NUP93: variants seen among roughly 807,000 people sequenced by gnomAD.
The protein encoded by NUP93 is nucleoporin 93.
A neutral mutation model predicts 107.8 loss-of-function variants in NUP93; 55 were observed. That is an observed-to-expected ratio of 0.51 (90% CI 0.41 to 0.64). NUP93 has a LOEUF of 0.64. NUP93 is among the 30% of genes least tolerant of loss of function. NUP93 has a pLI of 0.00. For missense variants in NUP93, 937 were observed against 1,044.7 expected (o/e 0.90, Z 1.42); for synonymous variants, 390 against 397.5 (o/e 0.98, Z 0.22).
chr16:56,828,448 T>C (rs2144624474), intron 8 of NUP93, among the ~76,000 whole-genome samples: 1 of 152,306 alleles, frequency 6.6e-6, no homozygotes, highest in Middle Eastern at 3.4e-3. Context: ...TTCAGAGCCA[T>C]ATGGTATTTA....
intron 3 of NUP93, among the ~76,000 whole-genome samples, chr16:56,786,022 A>G (rs1249200626): frequency 6.6e-6 from 1 of 152,166 alleles, no homozygotes; most frequent in Non-Finnish European, 1.5e-5. Flanking sequence ...TGGTGAGGTG[A>G]AGTAGCATTC....
chr16:56,835,605 A>G (rs1436238806), intron 16 of NUP93, among the ~76,000 whole-genome samples: 3 of 152,202 alleles, frequency 2.0e-5, no homozygotes, highest in Non-Finnish European at 4.4e-5. Flanking sequence ...AAACATAGAT[A>G]AGACCTTATC....
At chr16:56,783,375 T>G in intron 3 of NUP93, 74 of 547,000 alleles carry the variant, frequency 1.4e-4, no homozygotes, top group Non-Finnish European at 1.6e-4. Flanking sequence ...AGAGGAACTG[T>G]GAGAATTCGG....
chr16:56,812,896 A>G (rs1481657492), intron 5 of NUP93, among the ~76,000 whole-genome samples: 1 of 152,186 alleles, frequency 6.6e-6, no homozygotes, highest in African/African-American at 2.4e-5. Flanking sequence ...GAACTTCCCT[A>G]TTGAGGCTTG....
chr16:56,840,922 G>A (rs563623162), intron 20 of NUP93, among the ~76,000 whole-genome samples: 52 of 152,120 alleles, frequency 3.4e-4, no homozygotes, highest in Non-Finnish European at 4.9e-4. Context: ...GCTTGAACCC[G>A]GGAAGCAAAG....
At position 56,824,478 on chromosome 16, in the gene NUP93, A is replaced by G. The variant is rs144699202; in HGVS notation, c.794+632A>G. On this transcript the variant is annotated intron_variant, in intron 8 of 21. Transcript: ENST00000308159. ...ATCCCTCCCTGTGGACACTCCTTCCAACTCTGAATTGGCCAGCAGGGGTTG... is the reference window on the plus strand; with the variant it reads ...ATCCCTCCCTGTGGACACTCCTTCCGACTCTGAATTGGCCAGCAGGGGTTG... Among the ~76,000 whole-genome samples, 652 of 152,236 alleles carry G rather than the reference A, an allele frequency of 4.3e-3. 6 individuals carry two copies. The highest frequency in any genetic ancestry group is 0.015 in the African/African-American group (603 of 41,538).
chr16:56,775,925 C>G (rs1450242248), intron 3 of NUP93, among the ~76,000 whole-genome samples: 1 of 152,160 alleles, frequency 6.6e-6, no homozygotes, highest in Non-Finnish European at 1.5e-5. Context: ...CAGTAACCCA[C>G]AGGTCATCAC....
At chr16:56,826,362 A>C (rs1596846570) in intron 8 of NUP93, among the ~76,000 whole-genome samples, 1 of 152,220 alleles carries the variant, frequency 6.6e-6, no homozygotes, top group African/African-American at 2.4e-5. Context: ...AAATACAAAA[A>C]TTAGCTGGGT....
At chr16:56,843,266 G>C (rs1964062116) in intron 21 of NUP93, among the ~76,000 whole-genome samples, 1 of 152,130 alleles carries the variant, frequency 6.6e-6, no homozygotes, top group African/African-American at 2.4e-5. Flanking sequence ...AGAAACCCAG[G>C]GCAGTGATGT....
Position 56,838,926 on chromosome 16 carries a change from A to T in NUP93, c.2019-26A>T, listed in dbSNP as rs1297472338. On this transcript the variant is annotated intron_variant, in intron 18 of 21. Coordinates refer to ENST00000308159, the MANE Select transcript of NUP93 (RefSeq NM_014669.5). Reference sequence around the variant, plus strand: ...CAGAAATTCCTGATACACTCTTACTACCCCCACCCCGTTTTTGTCTTTCAG... The same window carrying T: ...CAGAAATTCCTGATACACTCTTACTTCCCCCACCCCGTTTTTGTCTTTCAG... 4 of 1,504,216 alleles carry T rather than the reference A, an allele frequency of 2.7e-6. No homozygotes were observed. The African/African-American group carries it at 5.5e-5, about 21-fold the overall frequency. 93.2% of individuals were successfully genotyped at this position (1,504,216 alleles called of 1,614,324 possible).
rs1964154843 is a variant in NUP93 at position 56,849,684 on chromosome 16, G to A, written c.*5075G>A. The A allele has an allele frequency of 6.6e-6, 1 of 152,222 alleles. No individual in the cohort carries two copies. Among genetic ancestry groups the A allele is most frequent in the Non-Finnish European group, 1.5e-5 (1 of 68,060 alleles). 9.4% of individuals were successfully genotyped at this position (152,222 alleles called of 1,614,324 possible). A position where few individuals can be genotyped will look rare whatever the true frequency, so the allele number is the denominator to read the frequency against. ...TAAGTTTGCATTTTGGATAAACAGT[G>A]AAGAAGTTCCTAGTGTAAGTATGTC... On this transcript the variant is annotated 3_prime_UTR_variant, in exon 22 of 22. Transcript: ENST00000308159.
Position 56,844,656 on chromosome 16 carries a change from A to G in NUP93, c.*47A>G. The G allele has an allele frequency of 8.0e-7, 1 of 1,247,904 alleles. No individual in the cohort carries two copies. The allele number at this position is 1,247,904 out of a possible 1,614,324, so 77.3% of individuals were successfully genotyped here. A position where few individuals can be genotyped will look rare whatever the true frequency, so the allele number is the denominator to read the frequency against. The stretch of plus-strand genomic sequence containing the variant: ...TGGGTCGGCACACTGTCAGTACATC[A>G]GGCACATGGGCCCACTAGGCTGGGG... On this transcript the variant is annotated 3_prime_UTR_variant, in exon 22 of 22. Coordinates refer to ENST00000308159, the MANE Select transcript of NUP93 (RefSeq NM_014669.5).
At chr16:56,770,488 G>T (rs1018333429) in intron 3 of NUP93, among the ~76,000 whole-genome samples, 1 of 152,158 alleles carries the variant, frequency 6.6e-6, no homozygotes, top group African/African-American at 2.4e-5. Flanking sequence ...AATGAGAACC[G>T]AATGGCTTTA....
chr16:56,753,917 T>C (rs1457588255), intron 2 of NUP93, among the ~76,000 whole-genome samples: 1 of 152,052 alleles, frequency 6.6e-6, no homozygotes, highest in African/African-American at 2.4e-5. Flanking sequence ...CAGGGTTGGC[T>C]ACGACATGCA....
rs376488091 is a variant in NUP93, at chr16:56,842,417, C to T, written c.2349+584C>T. Among the ~76,000 whole-genome samples the T allele has an allele frequency of 9.9e-5, 15 of 152,220 alleles. No homozygotes were observed. In the East Asian group the frequency reaches 1.9e-3, roughly 20 times the overall value. On this transcript the variant is annotated intron_variant, in intron 21 of 21. Transcript: ENST00000308159. Reference sequence around the variant, plus strand: ...CCCTTTCTGCTGCCTGTGGGACCTCCAGCAGTGCATGGGTCAAGTGGAGTC... The same window carrying T: ...CCCTTTCTGCTGCCTGTGGGACCTCTAGCAGTGCATGGGTCAAGTGGAGTC...
chr16:56,775,801 A>T (rs547614686), intron 3 of NUP93, among the ~76,000 whole-genome samples: 1 of 152,186 alleles, frequency 6.6e-6, no homozygotes, highest in African/African-American at 2.4e-5. Flanking sequence ...CCAGTATTTT[A>T]TAGGGCCCCA....
intron 1 of NUP93, chr16:56,747,994 A>G: frequency 3.3e-6 from 1 of 301,782 alleles, no homozygotes; most frequent in Admixed American, 4.6e-5. Context: ...TGATGGCAGA[A>G]ATCAATCTTG....
In NUP93 at chr16:56,839,530, C is replaced by T. The variant is rs371055702; in HGVS notation, c.2146C>T (p.Arg716Cys). ...TGGTTGTTTTAAACAGATCATTGAG[C>T]GCTTGAAGCTGGTGCCCCTGAATCA... Reference protein sequence around the residue: ...HIDRAFDIIERLKLVPLNQES... With the variant: ...HIDRAFDIIECLKLVPLNQES... The change falls in exon 20 of 22, where the codon CGC becomes TGC. Residue 716 changes from arginine (R) to cysteine (C), a missense_variant. Coordinates refer to ENST00000308159, the MANE Select transcript of NUP93 (RefSeq NM_014669.5). 57 of 1,610,888 alleles carry T rather than the reference C, an allele frequency of 3.5e-5. No individual in the cohort carries two copies. The South Asian group carries it at 4.0e-4, about 11-fold the overall frequency.
chr16:56,771,964 T>C (rs1440410782), intron 3 of NUP93, among the ~76,000 whole-genome samples: 1 of 152,218 alleles, frequency 6.6e-6, no homozygotes, highest in East Asian at 1.9e-4. Flanking sequence ...TTATTTTGCT[T>C]TCTGTTTTAT....
Sources: gnomAD v4.1 joint callset for allele counts (sites outside exome capture counted in the v4.1 genomes callset) on GRCh38, gnomAD v4.1.1 for gene constraint, MANE v1.5 for transcripts, NCBI Gene and HGNC (gene_info 2026-07-23, HGNC 2026-07-21) for gene names.